The following CPPED1 variants were observed in gnomAD, a reference collection of about 807,000 sequenced individuals.
The protein encoded by CPPED1 is calcineurin like phosphoesterase domain containing 1.
A neutral mutation model predicts 28.0 loss-of-function variants in CPPED1; 28 were observed. The observed-to-expected ratio is 1.00, with a 90% confidence interval of 0.74 to 1.37. The LOEUF is 1.37. Among genes scored for constraint, CPPED1 ranks in the 40% most tolerant of loss-of-function variants. The pLI, the probability that CPPED1 is intolerant of heterozygous loss-of-function variation, is 0.00. For synonymous variants in CPPED1, 198 were observed against 180.2 expected (o/e 1.10, Z -0.79); for missense variants, 504 against 416.5 (o/e 1.21, Z -1.83).
At chr16:12,762,977 C>G (rs527757225) in intron 2 of CPPED1, among the ~76,000 whole-genome samples, 15 of 152,130 alleles carry the variant, frequency 9.9e-5, no homozygotes, top group African/African-American at 3.1e-4. Context: ...GCCTGTAATC[C>G]CAGCACTTTG....
chr16:12,760,035 G>C (rs1412788542), intron 2 of CPPED1, among the ~76,000 whole-genome samples: 1 of 152,144 alleles, frequency 6.6e-6, no homozygotes, highest in East Asian at 1.9e-4. Context: ...GGCAGCTGTG[G>C]GTTCCACGTC....
chr16:12,674,268 A>G (rs1283611521), intron 3 of CPPED1, among the ~76,000 whole-genome samples: 1 of 152,166 alleles, frequency 6.6e-6, no homozygotes, highest in African/African-American at 2.4e-5. Flanking sequence ...AGAAGCAGGA[A>G]GATGTGACTA....
intron 3 of CPPED1, among the ~76,000 whole-genome samples, chr16:12,668,588 T>C (rs901723987): frequency 6.6e-6 from 1 of 152,218 alleles, no homozygotes; most frequent in Admixed American, 6.5e-5. Context: ...GCAAATCATG[T>C]ATCTAATAAG....
chr16:12,741,359 G>A (rs914859277), intron 2 of CPPED1, among the ~76,000 whole-genome samples: 2 of 148,706 alleles, frequency 1.3e-5, no homozygotes, highest in Non-Finnish European at 3.0e-5. Context: ...ATCGAGAGCT[G>A]AGGAGGCTCA....
At chr16:12,774,417 G>A (rs902400684) in intron 2 of CPPED1, among the ~76,000 whole-genome samples, 6 of 151,606 alleles carry the variant, frequency 4.0e-5, no homozygotes, top group Non-Finnish European at 7.4e-5. Flanking sequence ...GCAGTGAGCC[G>A]AGATCATGCC....
chr16:12,785,157 A>G (rs547890121), intron 1 of CPPED1, among the ~76,000 whole-genome samples: 1 of 152,176 alleles, frequency 6.6e-6, no homozygotes, highest in Non-Finnish European at 1.5e-5. Context: ...TGGAGCTTAC[A>G]ATGCTTAATT....
intron 1 of CPPED1, among the ~76,000 whole-genome samples, chr16:12,784,818 C>T (rs1056702599): frequency 6.6e-6 from 1 of 152,198 alleles, no homozygotes; most frequent in Non-Finnish European, 1.5e-5. Context: ...TTTAACAAAT[C>T]GTTTCCTATG....
In CPPED1 at chr16:12,682,891, C is replaced by T. The variant is rs978923668; in HGVS notation, c.716-17776G>A. Among the ~76,000 whole-genome samples the T allele has an allele frequency of 6.6e-6, 1 of 152,222 alleles. No homozygotes were observed. Among genetic ancestry groups the T allele is most frequent in the East Asian group, 1.9e-4 (1 of 5,196 alleles). ...CATTAAGGTTTCAATCCAGAATGGACAATTTTCTAGATTTCCATGCTCTAT... is the reference window on the plus strand; with the variant it reads ...CATTAAGGTTTCAATCCAGAATGGATAATTTTCTAGATTTCCATGCTCTAT... On this transcript the variant is annotated intron_variant, in intron 3 of 3. Transcript: ENST00000381774. This position sits in a 1 kb window ranked among gnomAD's most constrained non-coding sequence, Gnocchi z 6.1.
intron 1 of CPPED1, among the ~76,000 whole-genome samples, chr16:12,781,612 G>A (rs1324236069): frequency 6.6e-6 from 1 of 152,090 alleles, no homozygotes; most frequent in Non-Finnish European, 1.5e-5. Context: ...GATACCCAAA[G>A]GCCAGAACTG....
chr16:12,789,204 C>T (rs748682), intron 1 of CPPED1, among the ~76,000 whole-genome samples: 5,390 of 151,998 alleles, frequency 0.035, 157 homozygotes, highest in East Asian at 0.14. Flanking sequence ...GGGGTTTGTG[C>T]TCTCAAATTT....
At chr16:12,693,259 G>A (rs2079972791) in intron 3 of CPPED1, among the ~76,000 whole-genome samples, 2 of 152,180 alleles carry the variant, frequency 1.3e-5, no homozygotes, top group Admixed American at 1.3e-4. Flanking sequence ...CTGGAGTGCA[G>A]TGGTGCAATC....
chr16:12,738,600 A>C (rs1216514921), intron 2 of CPPED1, among the ~76,000 whole-genome samples: 1 of 152,200 alleles, frequency 6.6e-6, no homozygotes, highest in African/African-American at 2.4e-5. Flanking sequence ...TTTTTCAGGA[A>C]TAAGAAAGTA....
chr16:12,800,431 CAA>C lies in CPPED1; in HGVS notation c.70+3274_70+3275del, dbSNP rs11303196. The stretch of plus-strand genomic sequence containing the variant: ...TGGGTGACAGAGCTAGACTCTGTCT[CAA>C]AAAAAAAAAAAAAAAAGTAAACCAT... On this transcript the variant is annotated intron_variant, in intron 1 of 3. Coordinates refer to ENST00000381774, the MANE Select transcript of CPPED1 (RefSeq NM_018340.3). Among the ~76,000 whole-genome samples the C allele has an allele frequency of 1.5e-3, 134 of 90,232 alleles. 1 individual carries two copies. The highest frequency in any genetic ancestry group is 1.7e-3 in the African/African-American group (49 of 28,728). The allele number at this position is 90,232 out of a possible 152,430, so 59.2% of individuals were successfully genotyped here.
At chr16:12,701,176 CT>C (rs2080018432) in intron 3 of CPPED1, among the ~76,000 whole-genome samples, 2 of 151,538 alleles carry the variant, frequency 1.3e-5, no homozygotes, top group Non-Finnish European at 2.9e-5. Context: ...CTGCAGTGAG[CT>C]ATGATCACAT....
At position 12,735,804 on chromosome 16, in the gene CPPED1, C is replaced by T. The variant is rs111378218; in HGVS notation, c.290-30755G>A. 6.8e-3 allele frequency among the ~76,000 whole-genome samples: 1,029 copies of T among 152,246 alleles called. 6 individuals carry two copies. Among genetic ancestry groups the T allele is most frequent in the Middle Eastern group, 0.034 (10 of 294 alleles). On this transcript the variant is annotated intron_variant, in intron 2 of 3. Transcript: ENST00000381774. The stretch of plus-strand genomic sequence containing the variant: ...GAACATGACTTGTTTGCAAAGGTGC[C>T]GTGAGAAGTCTCTCTCTGTCCAGAC...
chr16:12,755,058 C>T (rs1460276038), intron 2 of CPPED1, among the ~76,000 whole-genome samples: 1 of 152,104 alleles, frequency 6.6e-6, no homozygotes. Flanking sequence ...CACTGGAAAA[C>T]ATCTGCTCCC....
rs147530370 is a variant in CPPED1 at position 12,681,074 on chromosome 16, C to T, written c.716-15959G>A. 2.4e-3 allele frequency among the ~76,000 whole-genome samples: 369 copies of T among 152,248 alleles called. 2 individuals are homozygous for T. The highest frequency in any genetic ancestry group is 8.6e-3 in the African/African-American group (356 of 41,564). ...GACCTTTACCTAAAGCCAGCTCATA[C>T]TCTAAAACCTGAAGAGATTTCTTTG... On this transcript the variant is annotated intron_variant, in intron 3 of 3. Coordinates refer to ENST00000381774, the MANE Select transcript of CPPED1 (RefSeq NM_018340.3).
intron 2 of CPPED1, among the ~76,000 whole-genome samples, chr16:12,778,316 G>T (rs112844188): frequency 7.6e-6 from 1 of 131,358 alleles, no homozygotes; most frequent in Non-Finnish European, 1.5e-5. Flanking sequence ...TCGCTCTGCT[G>T]CCCAGGCTGG....
At chr16:12,780,405 A>G in intron 2 of CPPED1, among the ~76,000 whole-genome samples, 1 of 152,184 alleles carries the variant, frequency 6.6e-6, no homozygotes, top group East Asian at 1.9e-4. Context: ...CGAACACCTG[A>G]GCTCAAGTGA....
Sources: allele counts gnomAD v4.1 joint callset (sites outside exome capture counted in the v4.1 genomes callset), GRCh38; gene constraint gnomAD v4.1.1; non-coding constraint Gnocchi (gnomAD v3.1); transcripts MANE v1.5; gene names NCBI Gene and HGNC (gene_info 2026-07-23, HGNC 2026-07-21).